ARAP2: variants seen among roughly 807,000 people sequenced by gnomAD.
ARAP2 encodes arf-GAP with Rho-GAP domain, ANK repeat and PH domain-containing protein 2.
In ARAP2, 148 loss-of-function variants were observed where a neutral mutation model predicts 194.5. The observed-to-expected ratio is 0.76, with a 90% CI of 0.67 to 0.87. ARAP2 has a LOEUF of 0.87. Ranked by LOEUF, ARAP2 falls within the 40% of genes least tolerant of loss-of-function variation. ARAP2 has a pLI of 0.00. For missense variants in ARAP2, 2,128 were observed against 1,989.7 expected, an observed-to-expected ratio of 1.07 and a Z score of -1.32; for synonymous variants, 695 against 683.5, an observed-to-expected ratio of 1.02 and a Z score of -0.26.
At chr4:36,146,415 G>C (rs531221741) in intron 19 of ARAP2, among the ~76,000 whole-genome samples, 1 of 151,894 alleles carries the variant, frequency 6.6e-6, no homozygotes, top group African/African-American at 2.4e-5. Context: ...CATCATGACC[G>C]ATAAGGCCCT....
chr4:36,177,994 C>A lies in ARAP2; in HGVS notation c.1690G>T (p.Asp564Tyr). ...FRVEKEEERN[D>Y]WISILLNALK... ...GCATTTAATAGTATGCTGATCCAGT[C>A]ATTTCTCTCCTCTGAAAATGAAGAC... Residue 564 changes from aspartate to tyrosine, a missense_variant, in exon 9 of 33, where the codon GAC becomes TAC. Physicochemically the swap from Asp to Tyr is radical, Grantham distance 160. Transcript: ENST00000303965. The A allele has an allele frequency of 1.3e-6, 2 of 1,592,170 alleles. No homozygotes were observed. The highest frequency in any genetic ancestry group is 1.1e-5 in the South Asian group (1 of 87,072).
intron 5 of ARAP2, among the ~76,000 whole-genome samples, chr4:36,043,823 G>C (rs1577640928): frequency 1.5e-5 from 1 of 68,258 alleles, no homozygotes; most frequent in Non-Finnish European, 3.1e-5. Context: ...GGGAAGGGAA[G>C]GGAAGGGGAG....
intron 19 of ARAP2, among the ~76,000 whole-genome samples, chr4:36,140,227 T>C (rs1433935474): frequency 6.6e-6 from 1 of 150,714 alleles, no homozygotes; most frequent in Non-Finnish European, 1.5e-5. Flanking sequence ...CATCATATCA[T>C]ACTTATTTCT....
At chr4:36,107,781 T>G in intron 26 of ARAP2, 88 bp from the exon 27 acceptor site, 3 of 1,301,390 alleles carry the variant, frequency 2.3e-6, no homozygotes, top group African/African-American at 3.0e-5. Context: ...AAAATCCATT[T>G]GAAAACATCT....
At chr4:36,072,514 A>G (rs1727228567) in intron 32 of ARAP2, among the ~76,000 whole-genome samples, 1 of 152,128 alleles carries the variant, frequency 6.6e-6, no homozygotes, top group African/African-American at 2.4e-5. Context: ...AAAAGGTTCT[A>G]CAGTCACTGT....
rs191587060 is a variant in ARAP2, at chr4:36,071,473, C to A, written c.4743+2216G>T. The stretch of plus-strand genomic sequence containing the variant: ...TCAGCTGGCTCACTACTAATTTCCC[C>A]AATTAACTTGAGAAGTCACTTCCAC... On this transcript the variant is annotated intron_variant, in intron 32 of 32. Coordinates refer to ENST00000303965, the MANE Select transcript of ARAP2 (RefSeq NM_015230.4). Among the ~76,000 whole-genome samples, 1,431 of 152,186 alleles carry A rather than the reference C, an allele frequency of 9.4e-3. 7 individuals carry two copies. The highest frequency in any genetic ancestry group is 0.015 in the Non-Finnish European group (1,000 of 68,010).
At chr4:36,092,590 A>G (rs1577844455) in intron 27 of ARAP2, among the ~76,000 whole-genome samples, 1 of 152,332 alleles carries the variant, frequency 6.6e-6, no homozygotes, top group South Asian at 2.1e-4. Context: ...AGCCTGGGTA[A>G]CAGAGAGAAA....
chr4:36,039,515 C>T (rs538353292), intron 5 of ARAP2, among the ~76,000 whole-genome samples: 1 of 152,002 alleles, frequency 6.6e-6, no homozygotes, highest in Non-Finnish European at 1.5e-5. Flanking sequence ...CTGCTTGTGC[C>T]CCCTGGTAGG....
intron 28 of ARAP2, among the ~76,000 whole-genome samples, chr4:36,086,472 T>C (rs1711873884): frequency 6.6e-6 from 1 of 152,106 alleles, no homozygotes; most frequent in African/African-American, 2.4e-5. Flanking sequence ...TTCTTTTCCA[T>C]TTCAGTTTTG....
intron 1 of ARAP2, among the ~76,000 whole-genome samples, chr4:36,242,304 C>T (rs1448495973): frequency 6.6e-6 from 1 of 152,004 alleles, no homozygotes; most frequent in African/African-American, 2.4e-5. Context: ...AAGATTGTAT[C>T]CAAGAAATGT....
intron 1 of ARAP2, among the ~76,000 whole-genome samples, chr4:36,241,815 G>A (rs1378263637): frequency 6.6e-6 from 1 of 152,058 alleles, no homozygotes; most frequent in Non-Finnish European, 1.5e-5. Context: ...ATGGAGAAGT[G>A]GCCCCATCAT....
At chr4:36,242,345 G>T (rs78681144) in intron 1 of ARAP2, among the ~76,000 whole-genome samples, 6,867 of 152,254 alleles carry the variant, frequency 0.045, 199 homozygotes, top group Middle Eastern at 0.12. Flanking sequence ...AGGTGGAAAT[G>T]TATGCTAAAA....
At chr4:36,084,989 T>C (rs985554119) in intron 28 of ARAP2, among the ~76,000 whole-genome samples, 4 of 152,120 alleles carry the variant, frequency 2.6e-5, no homozygotes, top group African/African-American at 9.7e-5. Flanking sequence ...TACATTTATT[T>C]ACCCTATCAA....
At chr4:36,234,418 C>T (rs1442044419) in intron 1 of ARAP2, among the ~76,000 whole-genome samples, 4 of 152,194 alleles carry the variant, frequency 2.6e-5, no homozygotes, top group African/African-American at 9.7e-5. Flanking sequence ...CCCCAAACCC[C>T]ACCTCTTAAT....
rs201043907 is a variant in ARAP2 at position 36,148,388 on chromosome 4, A to T, written c.3000+17T>A. ...AATCTTCTCTGGATTTAGAGCAGTAACATAATATTTAAATACCTTGGCTAT... is the reference window on the plus strand; with the variant it reads ...AATCTTCTCTGGATTTAGAGCAGTATCATAATATTTAAATACCTTGGCTAT... On this transcript the variant is annotated intron_variant, in intron 17 of 32. Coordinates refer to ENST00000303965, the MANE Select transcript of ARAP2 (RefSeq NM_015230.4). 1.9e-6 allele frequency: 3 copies of T among 1,586,672 alleles called. No homozygotes were observed. The highest frequency in any genetic ancestry group is 1.7e-5 in the Admixed American group (1 of 59,526).
At chr4:36,087,369 T>A (rs984431) in intron 28 of ARAP2, among the ~76,000 whole-genome samples, 142,232 of 152,152 alleles carry the variant, frequency 0.93, 66,503 homozygotes, top group South Asian at 0.96. Flanking sequence ...ATATGCAAAT[T>A]TAACTTTCAA....
chr4:36,044,990 C>T (rs942921854), intron 5 of ARAP2, among the ~76,000 whole-genome samples: 2 of 151,724 alleles, frequency 1.3e-5, no homozygotes, highest in African/African-American at 4.8e-5. Context: ...CAAAGTAAAA[C>T]CACAACAAGT....
chr4:36,167,932 A>G (rs887353573), intron 9 of ARAP2, among the ~76,000 whole-genome samples: 1 of 152,060 alleles, frequency 6.6e-6, no homozygotes, highest in Non-Finnish European at 1.5e-5. Flanking sequence ...AAAATGACCT[A>G]TTTGAATAAA....
intron 19 of ARAP2, among the ~76,000 whole-genome samples, chr4:36,142,946 A>G (rs1341648788): frequency 1.3e-5 from 2 of 151,794 alleles, no homozygotes; most frequent in Non-Finnish European, 2.9e-5. Context: ...TAGATTTCTT[A>G]TAAGAATCTC....
Sources: gnomAD v4.1 joint callset for allele counts (sites outside exome capture counted in the v4.1 genomes callset) on GRCh38, gnomAD v4.1.1 for gene constraint, MANE v1.5 for transcripts, NCBI Gene and HGNC (gene_info 2026-07-23, HGNC 2026-07-21) for gene names.